The following EFCAB6 variants were observed in gnomAD, a reference collection of about 807,000 sequenced individuals.
EFCAB6 encodes EF-hand calcium binding domain 6, also known as EF-hand calcium-binding domain-containing protein 6.
A neutral mutation model predicts 169.8 loss-of-function variants in EFCAB6; 156 were observed. The ratio of observed to expected loss-of-function variants is 0.92; its 90% CI spans 0.81 to 1.05. EFCAB6 has a LOEUF of 1.05. EFCAB6 is among the 50% of genes least tolerant of loss of function. The probability of loss-of-function intolerance (pLI) is 0.00; values close to 1 mark genes in which losing one functional copy is unlikely to be tolerated. For synonymous variants in EFCAB6, 698 were observed against 676.4 expected (o/e 1.03, Z -0.50); for missense variants, 1,800 against 1,829.1 (o/e 0.98, Z 0.29).
In EFCAB6 at chr22:43,735,875, C is replaced by G. The variant is rs757816356; in HGVS notation, c.626G>C (p.Arg209Thr). Residue 209 changes from arginine (R) to threonine (T), a missense_variant, in exon 7 of 32, where the codon AGA becomes ACA. By Grantham distance (71) the Arg-to-Thr change is moderately conservative. Transcript: ENST00000262726. ...TGCTTACTTTTCGTATTCCTCGTCT[C>G]TTAACTTCATACAGAAGGTCTCCAG... is the stretch of plus-strand genomic sequence containing the variant. ...RVLETFCMKL[R>T]DEEYEKFSKH... 3 of 1,613,734 alleles carry G rather than the reference C, an allele frequency of 1.9e-6. No homozygotes were observed. Among genetic ancestry groups the G allele is most frequent in the Admixed American group, 1.7e-5 (1 of 59,910 alleles).
chr22:43,564,127 T>C (rs2049263442), intron 26 of EFCAB6, among the ~76,000 whole-genome samples: 1 of 152,176 alleles, frequency 6.6e-6, no homozygotes, highest in Admixed American at 6.5e-5. Context: ...GACAGGCATC[T>C]TCCAGGACAT....
intron 5 of EFCAB6, chr22:43,759,332 ACT>A (rs1213317981): frequency 1.3e-5 from 2 of 152,050 alleles, no homozygotes; most frequent in Non-Finnish European, 2.9e-5. Flanking sequence ...TTTCTTCAGA[ACT>A]CTCAGTAAGT....
At chr22:43,807,712 G>GA (rs1195224968) in intron 2 of EFCAB6, among the ~76,000 whole-genome samples, 1 of 152,108 alleles carries the variant, frequency 6.6e-6, no homozygotes, top group African/African-American at 2.4e-5. Flanking sequence ...GACTAAATTG[G>GA]AAAAAATTGT....
At chr22:43,662,399 G>T (rs917258967) in intron 17 of EFCAB6, among the ~76,000 whole-genome samples, 1 of 151,998 alleles carries the variant, frequency 6.6e-6, no homozygotes, top group Non-Finnish European at 1.5e-5. Context: ...GGAGATGGCT[G>T]GTGGGAATAA....
In EFCAB6 at chr22:43,725,707, G is replaced by C. The variant is rs112434844; in HGVS notation, c.757+5992C>G. Among the ~76,000 whole-genome samples the C allele has an allele frequency of 8.7e-4, 132 of 152,298 alleles. 1 individual carries two copies. The highest frequency in any genetic ancestry group is 2.5e-3 in the African/African-American group (102 of 41,558). On this transcript the variant is annotated intron_variant, in intron 8 of 31. Transcript: ENST00000262726. ...TGGCAGCGGGGAAGATGATGGGCTG[G>C]TGTCAGCAATTCAGCCTTTCCTACT...
intron 10 of EFCAB6, among the ~76,000 whole-genome samples, chr22:43,701,510 A>C (rs1321313087): frequency 1.3e-5 from 2 of 152,234 alleles, no homozygotes; most frequent in African/African-American, 4.8e-5. Flanking sequence ...GCCCATGTAC[A>C]ACAGAAATTT....
At position 43,795,537 on chromosome 22, in the gene EFCAB6, C is replaced by A. The variant is rs1454068380; in HGVS notation, c.-7-13212G>T. 2.0e-5 allele frequency among the ~76,000 whole-genome samples: 3 copies of A among 151,750 alleles called. No individual in the cohort carries two copies. Among genetic ancestry groups the A allele is most frequent in the African/African-American group, 7.3e-5 (3 of 41,298 alleles). On this transcript the variant is annotated intron_variant, in intron 2 of 31. Coordinates refer to ENST00000262726, the MANE Select transcript of EFCAB6 (RefSeq NM_022785.4). The surrounding 1 kb of genome is among the most constrained non-coding windows in gnomAD (Gnocchi z 4.2). ...AGCCGATTCCTCTGCCTTGAGACCT[C>A]CTGGAACATCACTTTCTGGAGAGGC...
At position 43,567,606 on chromosome 22, in the gene EFCAB6, G is replaced by A. The variant is rs145647284; in HGVS notation, c.3420+8691C>T. 2.7e-3 allele frequency among the ~76,000 whole-genome samples: 417 copies of A among 152,258 alleles called. 1 individual carries two copies. Among genetic ancestry groups the A allele is most frequent in the Non-Finnish European group, 4.1e-3 (278 of 68,018 alleles). ...AGTTCTCATTGCTCAGGAAGGGAGC[G>A]GGGAGCATGGACCTTGGAACTGGCT... On this transcript the variant is annotated intron_variant, in intron 26 of 31. Transcript: ENST00000262726.
intron 26 of EFCAB6, among the ~76,000 whole-genome samples, chr22:43,571,847 A>T (rs1268417854): frequency 1.1e-4 from 16 of 152,088 alleles, no homozygotes; most frequent in African/African-American, 3.6e-4. Context: ...CTGCCATGTC[A>T]TGTTCCTTGC....
intron 6 of EFCAB6, among the ~76,000 whole-genome samples, chr22:43,746,597 G>A (rs549479066): frequency 7.2e-5 from 11 of 152,266 alleles, no homozygotes; most frequent in Admixed American, 2.0e-4. Context: ...AAGGTGCCCC[G>A]TCTATAAGCT....
chr22:43,782,118 C>T, intron 3 of EFCAB6, 62 bp downstream of exon 3: 2 of 1,507,720 alleles, frequency 1.3e-6, no homozygotes, highest in Non-Finnish European at 1.8e-6. Flanking sequence ...AAGCTTGGTA[C>T]ATATTAAATA....
At chr22:43,543,396 C>T (rs535116451) in intron 27 of EFCAB6, among the ~76,000 whole-genome samples, 105 of 152,306 alleles carry the variant, frequency 6.9e-4, no homozygotes, top group Middle Eastern at 3.4e-3. Context: ...ACCTGCAAGC[C>T]CGAGGTGAGA....
chr22:43,593,653 C>G (rs891181198), intron 23 of EFCAB6, among the ~76,000 whole-genome samples: 11 of 152,224 alleles, frequency 7.2e-5, no homozygotes, highest in African/African-American at 2.4e-4. Context: ...CTGCTCTTCT[C>G]TGAAACCCTG....
At chr22:43,634,060 AGCAG>A (rs2055190760) in intron 18 of EFCAB6, among the ~76,000 whole-genome samples, 1 of 152,126 alleles carries the variant, frequency 6.6e-6, no homozygotes, top group Non-Finnish European at 1.5e-5. Context: ...GGAAGCCGGG[AGCAG>A]GTGACAGAGA....
intron 6 of EFCAB6, among the ~76,000 whole-genome samples, chr22:43,740,462 G>A (rs575027448): frequency 4.6e-5 from 7 of 152,252 alleles, no homozygotes; most frequent in Admixed American, 2.0e-4. Context: ...CTCCTCAGTC[G>A]ACTGGCCCCT....
intron 12 of EFCAB6, among the ~76,000 whole-genome samples, chr22:43,682,051 C>T (rs1187773277): frequency 1.3e-5 from 2 of 152,122 alleles, no homozygotes; most frequent in Non-Finnish European, 2.9e-5. Flanking sequence ...CCATGACTGC[C>T]CTGAGCAGCC....
intron 2 of EFCAB6, among the ~76,000 whole-genome samples, chr22:43,789,294 A>T (rs2062187335): frequency 6.6e-6 from 1 of 152,170 alleles, no homozygotes; most frequent in African/African-American, 2.4e-5. Flanking sequence ...TCACAATTAG[A>T]AAAAAGGAGG....
intron 10 of EFCAB6, among the ~76,000 whole-genome samples, chr22:43,694,374 C>G (rs1056509807): frequency 2.6e-5 from 4 of 152,034 alleles, no homozygotes; most frequent in Non-Finnish European, 5.9e-5. Flanking sequence ...CAGGTGAATT[C>G]TATCAAACAT....
At chr22:43,697,793 T>C (rs2058628522) in intron 10 of EFCAB6, among the ~76,000 whole-genome samples, 1 of 152,044 alleles carries the variant, frequency 6.6e-6, no homozygotes, top group South Asian at 2.1e-4. Flanking sequence ...TGAATCCAAG[T>C]AGAGACATCG....
Sources: gnomAD v4.1 joint callset for allele counts (sites outside exome capture counted in the v4.1 genomes callset) on GRCh38, gnomAD v4.1.1 for gene constraint, Gnocchi (gnomAD v3.1) non-coding constraint, MANE v1.5 for transcripts, NCBI Gene and HGNC (gene_info 2026-07-23, HGNC 2026-07-21) for gene names.